Variants in ANKS1B observed in about 807,000 individuals in gnomAD.
ANKS1B encodes the protein ankyrin repeat and sterile alpha motif domain-containing protein 1B.
In ANKS1B, 36 loss-of-function variants were observed where a neutral mutation model predicts 148.3. That is an observed-to-expected ratio of 0.24 (90% CI 0.19 to 0.32). ANKS1B has a LOEUF of 0.32. Among genes scored for constraint, ANKS1B ranks in the 10% least tolerant of loss-of-function variants. The pLI is 1.00. For synonymous variants in ANKS1B, 542 were observed against 560.8 expected, an observed-to-expected ratio of 0.97 and a Z score of 0.47; for missense variants, 1,157 against 1,542.6, an observed-to-expected ratio of 0.75 and a Z score of 4.19.
chr12:99,743,584 C>G (rs1299306531), intron 8 of ANKS1B, among the ~76,000 whole-genome samples: 2 of 152,098 alleles, frequency 1.3e-5, no homozygotes, highest in African/African-American at 4.8e-5. Flanking sequence ...CTGTATGTGG[C>G]TGGAGAGGTA....
chr12:99,020,469 A>G (rs1229712545), intron 17 of ANKS1B, among the ~76,000 whole-genome samples: 1 of 152,160 alleles, frequency 6.6e-6, no homozygotes, highest in African/African-American at 2.4e-5. Context: ...TTACACTACA[A>G]TTGACAAAAT....
chr12:98,935,463 T>C (rs943301704), intron 17 of ANKS1B, among the ~76,000 whole-genome samples: 9 of 152,352 alleles, frequency 5.9e-5, no homozygotes, highest in Non-Finnish European at 1.2e-4. Context: ...TATCTGGCTT[T>C]GGTATCAGCA....
At chr12:99,417,088 TA>T (rs1165444079) in intron 11 of ANKS1B, among the ~76,000 whole-genome samples, 2 of 152,252 alleles carry the variant, frequency 1.3e-5, no homozygotes, top group African/African-American at 2.4e-5. Context: ...CAGGACAATT[TA>T]TTTTTTTATG....
At chr12:99,172,359 GA>G (rs2077868360) in intron 14 of ANKS1B, among the ~76,000 whole-genome samples, 3 of 152,280 alleles carry the variant, frequency 2.0e-5, no homozygotes, top group Admixed American at 2.0e-4. Flanking sequence ...GAGGATGTGG[GA>G]GATAGACGAA....
intron 17 of ANKS1B, among the ~76,000 whole-genome samples, chr12:99,039,836 T>C (rs1464123086): frequency 1.3e-5 from 2 of 152,204 alleles, no homozygotes; most frequent in Admixed American, 6.5e-5. Flanking sequence ...ATCCTCCTTT[T>C]CCCCTTCTCT....
intron 17 of ANKS1B, among the ~76,000 whole-genome samples, chr12:98,877,085 T>C (rs527891042): frequency 1.5e-4 from 23 of 152,226 alleles, no homozygotes; most frequent in African/African-American, 4.8e-4. Flanking sequence ...ATGGGGCCAG[T>C]TGGGGTCTGA....
intron 10 of ANKS1B, among the ~76,000 whole-genome samples, chr12:99,489,275 T>A (rs947162117): frequency 2.0e-5 from 3 of 149,956 alleles, no homozygotes; most frequent in Non-Finnish European, 4.4e-5. Flanking sequence ...CCCACAAATG[T>A]ATATACACCA....
At position 99,084,910 on chromosome 12, in the gene ANKS1B, A is replaced by G. The variant is rs2153628540; in HGVS notation, c.2625+15T>C. The G allele has an allele frequency of 6.3e-7, 1 of 1,597,662 alleles. No homozygotes were observed. Among genetic ancestry groups the G allele is most frequent in the South Asian group, 1.1e-5 (1 of 88,268 alleles). On this transcript the variant is annotated intron_variant, in intron 16 of 26. Transcript: ENST00000683438. ...GAACCGTACACAGGACTAGGGCAAT[A>G]AAAGTATTGCTCACCTTTGGAAGGA... is the stretch of plus-strand genomic sequence containing the variant.
chr12:99,085,153 T>C, intron 15 of ANKS1B, 130 bp from the exon 16 acceptor site: 1 of 751,882 alleles, frequency 1.3e-6, no homozygotes, highest in Non-Finnish European at 2.2e-6. Flanking sequence ...AGAGTCATTC[T>C]TCCGTGAGGG....
At chr12:99,391,348 C>T (rs1045664843) in intron 12 of ANKS1B, among the ~76,000 whole-genome samples, 2 of 152,214 alleles carry the variant, frequency 1.3e-5, no homozygotes, top group African/African-American at 2.4e-5. Flanking sequence ...TGGGCTTTTA[C>T]TCGCTTTGCA....
chr12:99,203,491 C>A (rs1446995952), intron 14 of ANKS1B, among the ~76,000 whole-genome samples: 4 of 150,420 alleles, frequency 2.7e-5, no homozygotes, highest in African/African-American at 9.8e-5. Context: ...CACTCTGTTG[C>A]CCAGGCTGGA....
chr12:99,715,192 C>T (rs1250233773), intron 8 of ANKS1B, among the ~76,000 whole-genome samples: 3 of 152,054 alleles, frequency 2.0e-5, no homozygotes, highest in East Asian at 1.9e-4. Context: ...TGTCAGGCCT[C>T]GAGCCCAAGC....
At chr12:98,736,364 A>G (rs1387476149) in intron 9 of ANKS1B, among the ~76,000 whole-genome samples, 1 of 152,214 alleles carries the variant, frequency 6.6e-6, no homozygotes, top group African/African-American at 2.4e-5. Context: ...GATTGGATAA[A>G]GGTTGTGAGA....
chr12:99,773,117 A>G, intron 7 of ANKS1B, 29 bp from the exon 8 acceptor site: 1 of 1,572,258 alleles, frequency 6.4e-7, no homozygotes, highest in Non-Finnish European at 8.6e-7. Context: ...CAGAAGTTTC[A>G]AGAAAGGCTA....
At chr12:99,317,027 G>T (rs1025874746) in intron 12 of ANKS1B, among the ~76,000 whole-genome samples, 1 of 149,698 alleles carries the variant, frequency 6.7e-6, no homozygotes, top group Non-Finnish European at 1.5e-5. Context: ...CCATTGGTCT[G>T]TGTGTGTTTT....
rs144465009 is a variant in ANKS1B at position 99,626,776 on chromosome 12, A to C, written c.1272+28291T>G. Among the ~76,000 whole-genome samples, 27 of 152,312 alleles carry C rather than the reference A, an allele frequency of 1.8e-4. No homozygotes were observed. In the East Asian group the frequency reaches 5.2e-3, roughly 29 times the overall value. Reference sequence around the variant, plus strand: ...AGGAGCAAGATATCAGGAAAGAGGCATATGAGAAAGAAGACCATGGACAGG... The same window carrying C: ...AGGAGCAAGATATCAGGAAAGAGGCCTATGAGAAAGAAGACCATGGACAGG... On this transcript the variant is annotated intron_variant, in intron 9 of 26. Transcript: ENST00000683438.
At chr12:98,927,166 A>T (rs1439724362) in intron 17 of ANKS1B, among the ~76,000 whole-genome samples, 1 of 152,140 alleles carries the variant, frequency 6.6e-6, no homozygotes, top group Non-Finnish European at 1.5e-5. Context: ...AATAACATTA[A>T]CAGCCAGCTT....
chr12:98,762,282 A>G (rs757443060), intron 25 of ANKS1B, among the ~76,000 whole-genome samples: 4 of 152,268 alleles, frequency 2.6e-5, no homozygotes, highest in African/African-American at 4.8e-5. Context: ...CAGGTGACCT[A>G]TTGGTCCCTT....
At chr12:99,597,952 C>T (rs1279006835) in intron 9 of ANKS1B, among the ~76,000 whole-genome samples, 1 of 151,978 alleles carries the variant, frequency 6.6e-6, no homozygotes, top group East Asian at 1.9e-4. Context: ...TTTTAAGTCT[C>T]TCAGATGGCC....
Sources: gnomAD v4.1 joint callset for allele counts (sites outside exome capture counted in the v4.1 genomes callset) on GRCh38, gnomAD v4.1.1 for gene constraint, MANE v1.5 for transcripts, NCBI Gene and HGNC (gene_info 2026-07-23, HGNC 2026-07-21) for gene names.